Variants in OSBPL10 observed in about 807,000 individuals in gnomAD.
The protein encoded by OSBPL10 is oxysterol binding protein like 10.
A neutral mutation model predicts 81.7 loss-of-function variants in OSBPL10; 49 were observed. That is an observed-to-expected ratio of 0.60 (90% CI 0.48 to 0.76). The LOEUF (loss-of-function observed/expected upper bound fraction) is 0.76, where lower values mean the gene tolerates loss of function less well. OSBPL10 is among the 30% of genes least tolerant of loss of function. OSBPL10 has a pLI of 0.00. For synonymous variants in OSBPL10, 419 were observed against 383.6 expected, an observed-to-expected ratio of 1.09 and a Z score of -1.08; for missense variants, 923 against 987.8, an observed-to-expected ratio of 0.93 and a Z score of 0.88.
chr3:31,891,009 A>C (rs932136627), intron 1 of OSBPL10, among the ~76,000 whole-genome samples: 1 of 152,114 alleles, frequency 6.6e-6, no homozygotes, highest in Non-Finnish European at 1.5e-5. Context: ...CAAGAGCAAG[A>C]GAGATGGGAG....
At chr3:31,946,996 G>A (rs1013743245) in intron 1 of OSBPL10, among the ~76,000 whole-genome samples, 6 of 152,046 alleles carry the variant, frequency 3.9e-5, no homozygotes, top group African/African-American at 1.4e-4. Flanking sequence ...GTTAGATACT[G>A]ACAAATGAGA....
chr3:31,960,370 A>G (rs1428822507), intron 1 of OSBPL10: 1 of 152,224 alleles, frequency 6.6e-6, no homozygotes, highest in African/African-American at 2.4e-5. Flanking sequence ...TGTGAAATGA[A>G]ACAAACCAGA....
chr3:31,940,200 G>A (rs1266041838), intron 1 of OSBPL10, among the ~76,000 whole-genome samples: 1 of 152,208 alleles, frequency 6.6e-6, no homozygotes, highest in East Asian at 1.9e-4. Context: ...GAATGTATAA[G>A]CAAACTGGGT....
intron 1 of OSBPL10, among the ~76,000 whole-genome samples, chr3:31,945,448 A>C (rs528530379): frequency 4.7e-4 from 71 of 152,326 alleles, no homozygotes; most frequent in South Asian, 1.9e-3. Flanking sequence ...CTTTGACCAG[A>C]ATCAGGCTTT....
At chr3:31,903,779 A>G (rs1341889706) in intron 1 of OSBPL10, among the ~76,000 whole-genome samples, 1 of 152,164 alleles carries the variant, frequency 6.6e-6, no homozygotes, top group Non-Finnish European at 1.5e-5. Context: ...CCTTTTCTGA[A>G]AAATAAGAGT....
chr3:31,730,443 T>G lies in OSBPL10; in HGVS notation c.1095+2814A>C, dbSNP rs981635154. On this transcript the variant is annotated intron_variant, in intron 6 of 11. Transcript: ENST00000396556. Reference sequence around the variant, plus strand: ...TTCTTGTCCTAAAGTAAGGCATACATGATGAAGCGACACACGGAAAACCTT... The same window carrying G: ...TTCTTGTCCTAAAGTAAGGCATACAGGATGAAGCGACACACGGAAAACCTT... Among the ~76,000 whole-genome samples the G allele has an allele frequency of 9.8e-5, 15 of 152,300 alleles. 1 individual carries two copies. Among genetic ancestry groups the G allele is most frequent in the Admixed American group, 9.8e-4 (15 of 15,302 alleles).
intron 2 of OSBPL10, among the ~76,000 whole-genome samples, chr3:32,023,917 A>G (rs907634926): frequency 6.6e-6 from 1 of 152,234 alleles, no homozygotes; most frequent in Admixed American, 6.5e-5. Flanking sequence ...AAGTGGGCCA[A>G]TTACAAGAGC....
chr3:31,833,691 A>ACG (rs1467898360), intron 3 of OSBPL10, among the ~76,000 whole-genome samples: 2 of 129,214 alleles, frequency 1.5e-5, no homozygotes, highest in South Asian at 2.3e-4. Flanking sequence ...TAGGGAAAAC[A>ACG]CGCACACGCA....
chr3:31,686,007 ACT>A (rs964899133), intron 7 of OSBPL10, among the ~76,000 whole-genome samples: 1 of 152,024 alleles, frequency 6.6e-6, no homozygotes, highest in African/African-American at 2.4e-5. Flanking sequence ...GCGAGTTCTC[ACT>A]CTCTCAGGAC....
At chr3:31,975,607 C>T (rs1698675537) in intron 1 of OSBPL10, among the ~76,000 whole-genome samples, 1 of 152,092 alleles carries the variant, frequency 6.6e-6, no homozygotes, top group African/African-American at 2.4e-5. Context: ...TCAGGGTGGG[C>T]ACGTCACAGG....
At chr3:31,946,614 G>A (rs950239973) in intron 1 of OSBPL10, among the ~76,000 whole-genome samples, 3 of 152,170 alleles carry the variant, frequency 2.0e-5, no homozygotes, top group Non-Finnish European at 4.4e-5. Context: ...GCATCCACCT[G>A]CGAAAAGCAC....
intron 3 of OSBPL10, among the ~76,000 whole-genome samples, chr3:31,874,825 A>G (rs1296775169): frequency 1.3e-5 from 2 of 152,168 alleles, no homozygotes; most frequent in Non-Finnish European, 2.9e-5. Flanking sequence ...ACATATTCTA[A>G]GATCTAGCAA....
intron 11 of OSBPL10, chr3:31,662,399 A>T: frequency 8.6e-7 from 1 of 1,168,086 alleles, no homozygotes; most frequent in Non-Finnish European, 1.1e-6. Context: ...GGCCAAAAAA[A>T]AGAAGCACTT....
chr3:32,075,072 A>G (rs1699862835), intron 1 of OSBPL10, among the ~76,000 whole-genome samples: 1 of 152,110 alleles, frequency 6.6e-6, no homozygotes, highest in Non-Finnish European at 1.5e-5. Flanking sequence ...TGCTTCCACT[A>G]TTGTACTTGG....
intron 4 of OSBPL10, among the ~76,000 whole-genome samples, chr3:31,817,738 C>T (rs1388942872): frequency 6.6e-6 from 1 of 152,186 alleles, no homozygotes; most frequent in Non-Finnish European, 1.5e-5. Flanking sequence ...ACTGCAGCAG[C>T]ACCCGGGGAG....
chr3:31,989,860 G>A (rs773709964), intron 2 of OSBPL10: 1 of 1,614,126 alleles, frequency 6.2e-7, no homozygotes, highest in South Asian at 1.1e-5. Flanking sequence ...ATATAAATGT[G>A]ATGTATGTGG....
chr3:31,709,269 A>G (rs1696177777), intron 6 of OSBPL10: 1 of 153,024 alleles, frequency 6.5e-6, no homozygotes, highest in Admixed American at 6.6e-5. Flanking sequence ...ACACATACAC[A>G]CACATTTACC....
intron 4 of OSBPL10, among the ~76,000 whole-genome samples, chr3:31,824,709 A>G (rs1410367699): frequency 6.6e-6 from 1 of 152,092 alleles, no homozygotes; most frequent in East Asian, 1.9e-4. Context: ...TCATTCATCA[A>G]TCAGTGCTTT....
chr3:31,922,729 G>A (rs1019964998), intron 1 of OSBPL10, among the ~76,000 whole-genome samples: 2 of 151,998 alleles, frequency 1.3e-5, no homozygotes, highest in African/African-American at 2.4e-5. Context: ...AGGATTTAGC[G>A]CTGTCACTTT....
Sources: gnomAD v4.1 joint callset for allele counts (sites outside exome capture counted in the v4.1 genomes callset) on GRCh38, gnomAD v4.1.1 for gene constraint, MANE v1.5 for transcripts, NCBI Gene and HGNC (gene_info 2026-07-23, HGNC 2026-07-21) for gene names.